Variants in ZEB1 observed in about 807,000 individuals in gnomAD.
ZEB1 encodes the protein zinc finger E-box binding homeobox 1, also known as zinc finger E-box-binding homeobox 1.
Under a neutral mutation model 84.9 loss-of-function variants are expected in ZEB1, and 21 were observed. The ratio of observed to expected loss-of-function variants is 0.25; its 90% CI spans 0.18 to 0.36. The LOEUF is 0.36. ZEB1 is among the 10% of genes least tolerant of loss of function. The pLI, the probability that ZEB1 is intolerant of heterozygous loss-of-function variation, is 1.00. For missense variants in ZEB1, 1,104 were observed against 1,330.2 expected (o/e 0.83, Z 2.65); for synonymous variants, 420 against 471.1 (o/e 0.89, Z 1.41).
chr10:31,502,369 C>G lies in ZEB1; in HGVS notation c.344C>G (p.Ser115Ter). Residue 115 changes from serine to a stop codon, truncating the protein, a stop_gained, in exon 4 of 9, where the codon TCA (serine) becomes TGA (stop). Transcript: ENST00000424869. LOFTEE classifies it high-confidence loss of function. ...GCTVKDDECE[S>*]DAENEQNHDP... ...TTAGTAAAAGATGATGAATGCGAGT[C>G]AGATGCAGAAAATGAGCAAAACCAT... 6.2e-7 allele frequency: 1 copy of G among 1,613,730 alleles called. No individual in the cohort carries two copies.
chr10:31,472,699 C>T (rs2063445530), intron 2 of ZEB1, among the ~76,000 whole-genome samples: 1 of 134,136 alleles, frequency 7.5e-6, no homozygotes, highest in South Asian at 2.5e-4. Context: ...TCCTCCCTAA[C>T]TCATTTTATG....
intron 2 of ZEB1, among the ~76,000 whole-genome samples, chr10:31,474,742 C>G (rs1325767419): frequency 6.6e-6 from 1 of 152,226 alleles, no homozygotes; most frequent in Non-Finnish European, 1.5e-5. Flanking sequence ...AATCATGCTG[C>G]TATAAAGACA....
chr10:31,386,394 CAT>C (rs1376648095), intron 1 of ZEB1, among the ~76,000 whole-genome samples: 4 of 151,574 alleles, frequency 2.6e-5, no homozygotes, highest in Non-Finnish European at 5.9e-5. Context: ...TTTTATATAA[CAT>C]ATTTTCAAAC....
chr10:31,413,137 C>G (rs921449449), intron 1 of ZEB1, among the ~76,000 whole-genome samples: 3 of 152,138 alleles, frequency 2.0e-5, no homozygotes, highest in African/African-American at 7.2e-5. Context: ...GACATTATTA[C>G]AAGATATTAA....
intron 1 of ZEB1, among the ~76,000 whole-genome samples, chr10:31,460,075 A>G (rs1448479867): frequency 6.6e-6 from 1 of 152,032 alleles, no homozygotes; most frequent in Non-Finnish European, 1.5e-5. Context: ...AAAGTAGTTT[A>G]AAAGAGATAT....
rs762105480 is a variant in ZEB1, at chr10:31,521,740, T to C, written c.2408T>C (p.Ile803Thr). ...VIPPSANPIN[I>T]AIPTVTAQLP... ...CCACCAAGTGCCAACCCCATAAATATCGCTATACCTACAGTCACTGCCCAG... is the reference window on the plus strand; with the variant it reads ...CCACCAAGTGCCAACCCCATAAATACCGCTATACCTACAGTCACTGCCCAG... The change falls in exon 7 of 9, where the codon ATC becomes ACC. Residue 803 changes from isoleucine (I) to threonine (T), a missense_variant. By Grantham distance (89) the Ile-to-Thr change is moderately conservative. This residue lies in a region of ZEB1 where 531 missense variants were observed against 575.2 expected (regional missense o/e 0.92). Coordinates refer to ENST00000424869, the MANE Select transcript of ZEB1 (RefSeq NM_001174096.2). 27 of 1,614,082 alleles carry C rather than the reference T, an allele frequency of 1.7e-5. No homozygotes were observed. The highest frequency in any genetic ancestry group is 2.3e-5 in the Non-Finnish European group (27 of 1,179,996).
intron 1 of ZEB1, among the ~76,000 whole-genome samples, chr10:31,390,215 CCT>C (rs2049380065): frequency 6.6e-6 from 1 of 152,134 alleles, no homozygotes; most frequent in South Asian, 2.1e-4. Context: ...GACTGGGTGT[CCT>C]ATATTTTATC....
At chr10:31,523,443 T>C (rs1025471672) in intron 7 of ZEB1, among the ~76,000 whole-genome samples, 3 of 152,228 alleles carry the variant, frequency 2.0e-5, no homozygotes, top group Non-Finnish European at 4.4e-5. Context: ...TTCTGGAGGA[T>C]ACAATTGAAA....
At chr10:31,487,391 GGT>G (rs1490648491) in intron 2 of ZEB1, among the ~76,000 whole-genome samples, 1 of 151,214 alleles carries the variant, frequency 6.6e-6, no homozygotes, top group African/African-American at 2.4e-5. Flanking sequence ...TAATGAACAT[GGT>G]GTGTGTTTAC....
chr10:31,371,502 A>G (rs2045696469), intron 1 of ZEB1, among the ~76,000 whole-genome samples: 1 of 152,084 alleles, frequency 6.6e-6, no homozygotes. Flanking sequence ...GTCGTTATGT[A>G]TTTTCTGCTT....
chr10:31,387,581 C>A, intron 1 of ZEB1: 1 of 324,346 alleles, frequency 3.1e-6, no homozygotes, highest in Non-Finnish European at 4.4e-6. Context: ...TCTTGTATGT[C>A]TTGAGATATG....
At chr10:31,359,174 T>C (rs1334670340) in intron 1 of ZEB1, among the ~76,000 whole-genome samples, 3 of 152,172 alleles carry the variant, frequency 2.0e-5, no homozygotes, top group Non-Finnish European at 4.4e-5. Context: ...CTAGAGAGAC[T>C]GTGTTTTGGC....
At chr10:31,361,346 C>T (rs145935201) in intron 1 of ZEB1, 19,345 of 799,410 alleles carry the variant, frequency 0.024, 1,431 homozygotes, top group East Asian at 0.18. Flanking sequence ...GCACAAGCCA[C>T]CATGCCCGCC....
intron 1 of ZEB1, among the ~76,000 whole-genome samples, chr10:31,445,863 T>C (rs1323963211): frequency 5.0e-5 from 6 of 119,124 alleles, no homozygotes; most frequent in African/African-American, 2.0e-4. Context: ...TCAAGGATAT[T>C]GGTCTAAAAT....
chr10:31,474,702 C>T (rs2063807647), intron 2 of ZEB1, among the ~76,000 whole-genome samples: 1 of 152,152 alleles, frequency 6.6e-6, no homozygotes, highest in Admixed American at 6.5e-5. Context: ...CCAGCTATCC[C>T]ATTACTGGGT....
intron 1 of ZEB1, among the ~76,000 whole-genome samples, chr10:31,322,958 C>T (rs1589925931): frequency 6.6e-6 from 1 of 152,150 alleles, no homozygotes; most frequent in African/African-American, 2.4e-5. Context: ...TGATTGGGAC[C>T]TTCAGTATAA....
At chr10:31,410,766 T>C (rs185416491) in intron 1 of ZEB1, among the ~76,000 whole-genome samples, 1 of 152,342 alleles carries the variant, frequency 6.6e-6, no homozygotes, top group African/African-American at 2.4e-5. Flanking sequence ...TATTCATTTT[T>C]TCCTAGATTT....
intron 1 of ZEB1, among the ~76,000 whole-genome samples, chr10:31,355,484 A>G (rs1002177532): frequency 6.6e-6 from 1 of 152,188 alleles, no homozygotes; most frequent in Non-Finnish European, 1.5e-5. Flanking sequence ...ACAAATAATT[A>G]TAACTAAGAT....
rs1223010436 is a variant in ZEB1, at chr10:31,520,226, T to C, written c.894T>C (p.Pro298=). Residue 298 remains proline, a synonymous_variant, in exon 7 of 9, where the codon CCT becomes CCC. Transcript: ENST00000424869. This position sits in a 1 kb window ranked among gnomAD's most constrained non-coding sequence, Gnocchi z 5.1. ...GTAAGAAATGTATCAGCTTGATACC[T>C]GTGAATGGGCGACCAAGAACAGGAC... ...ISSKKCISLI[P]VNGRPRTGLK... 1 of 1,613,916 alleles carries C rather than the reference T, an allele frequency of 6.2e-7. No homozygotes were observed. The highest frequency in any genetic ancestry group is 8.5e-7 in the Non-Finnish European group (1 of 1,179,938).
Sources: allele counts gnomAD v4.1 joint callset (sites outside exome capture counted in the v4.1 genomes callset), GRCh38; gene constraint gnomAD v4.1.1; regional missense constraint gnomAD v4.1.1; non-coding constraint Gnocchi (gnomAD v3.1); transcripts MANE v1.5; gene names NCBI Gene and HGNC (gene_info 2026-07-23, HGNC 2026-07-21).